SH3GL3: variants seen among roughly 807,000 people sequenced by gnomAD.
SH3GL3 encodes endophilin-A3.
Under a neutral mutation model 47.7 loss-of-function variants are expected in SH3GL3, and 33 were observed. The observed-to-expected ratio is 0.69, with a 90% CI of 0.52 to 0.92. The LOEUF is 0.92. Ranked by LOEUF, SH3GL3 falls within the 40% of genes least tolerant of loss-of-function variation. The pLI, the probability that SH3GL3 is intolerant of heterozygous loss-of-function variation, is 0.00. For missense variants in SH3GL3, 363 were observed against 417.8 expected, an observed-to-expected ratio of 0.87 and a Z score of 1.14; for synonymous variants, 155 against 148.8, an observed-to-expected ratio of 1.04 and a Z score of -0.30.
intron 1 of SH3GL3, among the ~76,000 whole-genome samples, chr15:83,486,086 A>C (rs1293057623): frequency 2.0e-5 from 3 of 152,204 alleles, no homozygotes; most frequent in Non-Finnish European, 1.5e-5. Flanking sequence ...TATCACATCT[A>C]ACAATGATTT....
At chr15:83,550,125 C>T (rs529176866) in intron 1 of SH3GL3, among the ~76,000 whole-genome samples, 1 of 152,310 alleles carries the variant, frequency 6.6e-6, no homozygotes, top group South Asian at 2.1e-4. Context: ...TTACATATTA[C>T]CTTTACTATT....
chr15:83,488,591 A>G (rs949487808), intron 1 of SH3GL3, among the ~76,000 whole-genome samples: 5 of 152,178 alleles, frequency 3.3e-5, no homozygotes, highest in Admixed American at 2.0e-4. Context: ...ATGCGGGGGA[A>G]AACTCTCCTA....
chr15:83,470,946 T>C (rs1240599806), intron 1 of SH3GL3, among the ~76,000 whole-genome samples: 1 of 152,186 alleles, frequency 6.6e-6, no homozygotes, highest in African/African-American at 2.4e-5. Flanking sequence ...ATTTATAATA[T>C]AATTTCATTA....
At chr15:83,467,042 A>T (rs2040600463) in intron 1 of SH3GL3, among the ~76,000 whole-genome samples, 3 of 152,332 alleles carry the variant, frequency 2.0e-5, no homozygotes, top group African/African-American at 7.2e-5. Context: ...CAAAAGTTTT[A>T]CATTTTGATG....
At chr15:83,572,778 GA>G in intron 5 of SH3GL3, 80 bp downstream of exon 5, 4 of 1,026,490 alleles carry the variant, frequency 3.9e-6, no homozygotes, top group Non-Finnish European at 5.7e-6. Flanking sequence ...CGTTTCAGCA[GA>G]CTGAAAGCAT....
intron 1 of SH3GL3, among the ~76,000 whole-genome samples, chr15:83,496,340 C>G (rs1170858276): frequency 7.7e-6 from 1 of 129,882 alleles, no homozygotes; most frequent in Non-Finnish European, 1.6e-5. Context: ...GCCTGGGCAA[C>G]AGAGTGAGAT....
At chr15:83,521,980 A>G (rs577308428) in intron 1 of SH3GL3, among the ~76,000 whole-genome samples, 1 of 152,274 alleles carries the variant, frequency 6.6e-6, no homozygotes, top group South Asian at 2.1e-4. Flanking sequence ...TATTGCTGGA[A>G]TAGTGGTGCT....
chr15:83,489,383 C>G (rs2041761237), intron 1 of SH3GL3: 2 of 152,326 alleles, frequency 1.3e-5, no homozygotes, highest in South Asian at 2.1e-4. Context: ...CCATCCTGGT[C>G]CCATTTCCTG....
At chr15:83,509,530 G>A (rs1189622380) in intron 1 of SH3GL3, among the ~76,000 whole-genome samples, 2 of 152,146 alleles carry the variant, frequency 1.3e-5, no homozygotes, top group African/African-American at 4.8e-5. Flanking sequence ...TCGTTTTCAG[G>A]TTAAGACTTC....
At chr15:83,468,179 G>T (rs113816643) in intron 1 of SH3GL3, among the ~76,000 whole-genome samples, 1 of 152,280 alleles carries the variant, frequency 6.6e-6, no homozygotes, top group East Asian at 1.9e-4. Context: ...GCTAGTGTAT[G>T]AAGATATAAT....
chr15:83,619,633 AC>A (rs1300153639), downstream of SH3GL3, among the ~76,000 whole-genome samples: 6 of 152,218 alleles, frequency 3.9e-5, no homozygotes, highest in Admixed American at 3.9e-4. Flanking sequence ...TCTTAAAAAA[AC>A]AAACTACACA....
chr15:83,534,516 C>T (rs1047307472), intron 1 of SH3GL3, among the ~76,000 whole-genome samples: 2 of 152,136 alleles, frequency 1.3e-5, no homozygotes, highest in African/African-American at 4.8e-5. Context: ...CTGATATTCA[C>T]AGGGGCTCCC....
intron 1 of SH3GL3, among the ~76,000 whole-genome samples, chr15:83,544,450 A>T (rs1194041213): frequency 6.6e-6 from 1 of 152,126 alleles, no homozygotes; most frequent in Non-Finnish European, 1.5e-5. Context: ...AATGTTCTGT[A>T]AATATCTATG....
At chr15:83,464,694 C>A (rs928383370) in intron 1 of SH3GL3, among the ~76,000 whole-genome samples, 1 of 152,126 alleles carries the variant, frequency 6.6e-6, no homozygotes, top group Non-Finnish European at 1.5e-5. Context: ...CATCAGCAAG[C>A]CTTTCCTCTT....
At chr15:83,624,316 C>G in the SH3GL3 span, among the ~76,000 whole-genome samples, 1 of 152,170 alleles carries the variant, frequency 6.6e-6, no homozygotes, top group African/African-American at 2.4e-5. Context: ...CAAATCTCCC[C>G]CTACGGCACC....
At chr15:83,546,211 T>C (rs950260915) in intron 1 of SH3GL3, among the ~76,000 whole-genome samples, 5 of 151,286 alleles carry the variant, frequency 3.3e-5, no homozygotes, top group African/African-American at 1.2e-4. Context: ...CTTGATGCTT[T>C]ACTGTACTGT....
intron 1 of SH3GL3, among the ~76,000 whole-genome samples, chr15:83,497,237 C>T (rs977849757): frequency 5.9e-5 from 9 of 152,136 alleles, no homozygotes; most frequent in African/African-American, 1.4e-4. Flanking sequence ...CCCAAGACCC[C>T]GTGGTAGTAG....
chr15:83,463,267 A>C (rs897585389), intron 1 of SH3GL3, among the ~76,000 whole-genome samples: 6 of 152,232 alleles, frequency 3.9e-5, no homozygotes, highest in African/African-American at 1.4e-4. Flanking sequence ...GTAGCAATTC[A>C]GATAAGATGC....
rs537686260 is a variant in SH3GL3, at chr15:83,591,983, A to AT, written c.838+3217dup. Among the ~76,000 whole-genome samples the AT allele has an allele frequency of 6.9e-3, 1,051 of 152,298 alleles. 7 individuals carry two copies. The highest frequency in any genetic ancestry group is 9.5e-3 in the Non-Finnish European group (646 of 68,016). ...CCACCAGGCCGGGCCATGTGTATAC[A>AT]TTTTTAAAAAAAACATGGTGCAAGC... On this transcript the variant is annotated intron_variant, in intron 8 of 8. Transcript: ENST00000427482.
Sources: allele counts gnomAD v4.1 joint callset (sites outside exome capture counted in the v4.1 genomes callset), GRCh38; gene constraint gnomAD v4.1.1; transcripts MANE v1.5; gene names NCBI Gene and HGNC (gene_info 2026-07-23, HGNC 2026-07-21).